PTGES: variants seen among roughly 807,000 people sequenced by gnomAD.
PTGES encodes the protein prostaglandin E synthase, also known as MGST1-like 1.
PTGES carries 3 observed loss-of-function variants against 11.8 expected under a neutral mutation model. That is an observed-to-expected ratio of 0.25 (90% confidence interval 0.12 to 0.66). The LOEUF is 0.66. PTGES is among the 30% of genes least tolerant of loss of function. The pLI, the probability that PTGES is intolerant of heterozygous loss-of-function variation, is 0.82. For missense variants in PTGES, 180 were observed against 213.0 expected, an observed-to-expected ratio of 0.85 and a Z score of 0.96; for synonymous variants, 94 against 90.4, an observed-to-expected ratio of 1.04 and a Z score of -0.22.
intron 2 of PTGES, among the ~76,000 whole-genome samples, chr9:129,744,839 T>C (rs969166138): frequency 5.3e-5 from 8 of 151,630 alleles, no homozygotes; most frequent in African/African-American, 1.9e-4. Flanking sequence ...ACCACGCTAT[T>C]GCACTCCAGC....
rs554489159 is a variant in PTGES at position 129,743,300 on chromosome 9, T to C, written c.210-3440A>G. Among the ~76,000 whole-genome samples the C allele has an allele frequency of 1.7e-4, 26 of 152,168 alleles. 1 individual carries two copies. In the East Asian group the frequency reaches 5.0e-3, roughly 29 times the overall value. On this transcript the variant is annotated intron_variant, in intron 2 of 2. Coordinates refer to ENST00000340607, the MANE Select transcript of PTGES (RefSeq NM_004878.5). ...AGGGAGCAATGGAGACACCAAGGAA[T>C]GATGGAAGAAAGCTCACCTCCCTCC...
At position 129,738,516 on chromosome 9, in the gene PTGES, C is replaced by T. The variant is rs1225424613; in HGVS notation, c.*1095G>A. On this transcript the variant is annotated 3_prime_UTR_variant, in exon 3 of 3. Coordinates refer to ENST00000340607, the MANE Select transcript of PTGES (RefSeq NM_004878.5). This position sits in a 1 kb window ranked among gnomAD's most constrained non-coding sequence, Gnocchi z 4.2. Reference sequence around the variant, plus strand: ...CAAACCTTGAAGATACTGAAGGGACCAGAAAGTTCCTTTGAGTGGCTGGTC... The same window carrying T: ...CAAACCTTGAAGATACTGAAGGGACTAGAAAGTTCCTTTGAGTGGCTGGTC... 5.3e-5 allele frequency: 8 copies of T among 152,096 alleles called. No homozygotes were observed. Among genetic ancestry groups the T allele is most frequent in the African/African-American group, 1.9e-4 (8 of 41,254 alleles). 9.4% of individuals were successfully genotyped at this position (152,096 alleles called of 1,614,324 possible).
In PTGES at chr9:129,750,730, C is replaced by T. The variant is rs532440273; in HGVS notation, c.127-1993G>A. On this transcript the variant is annotated intron_variant, in intron 1 of 2. Coordinates refer to ENST00000340607, the MANE Select transcript of PTGES (RefSeq NM_004878.5). The stretch of plus-strand genomic sequence containing the variant: ...GTCTTAAGGACAAACATTGGTGGGG[C>T]GTTGCATTCTCCTGGCGCTGCTGTC... 1.2e-4 allele frequency among the ~76,000 whole-genome samples: 18 copies of T among 152,292 alleles called. No homozygotes were observed. The South Asian group carries it at 2.7e-3, about 23-fold the overall frequency.
chr9:129,743,993 C>T (rs1329900018), intron 2 of PTGES, among the ~76,000 whole-genome samples: 2 of 152,142 alleles, frequency 1.3e-5, no homozygotes, highest in African/African-American at 4.8e-5. Flanking sequence ...AGACTACAGG[C>T]GAGCCCCACC....
intron 1 of PTGES, among the ~76,000 whole-genome samples, chr9:129,751,423 A>G (rs1488012528): frequency 6.6e-6 from 1 of 151,626 alleles, no homozygotes; most frequent in Non-Finnish European, 1.5e-5. Context: ...TCACGCCTGT[A>G]ATTCCAACAC....
chr9:129,749,890 A>G (rs1833087029), intron 1 of PTGES, among the ~76,000 whole-genome samples: 1 of 152,160 alleles, frequency 6.6e-6, no homozygotes, highest in Admixed American at 6.6e-5. Context: ...GCACCTGAAG[A>G]ATTTGGACTT....
intron 2 of PTGES, among the ~76,000 whole-genome samples, chr9:129,744,808 C>T (rs1036735187): frequency 4.0e-5 from 6 of 150,050 alleles, no homozygotes; most frequent in African/African-American, 1.2e-4. Flanking sequence ...ACCCGGGAGG[C>T]GGAGGTTGCA....
chr9:129,741,008 C>G (rs1420716859), intron 2 of PTGES, among the ~76,000 whole-genome samples: 5 of 152,204 alleles, frequency 3.3e-5, no homozygotes, highest in African/African-American at 9.6e-5. Context: ...CCTCTTCCCT[C>G]TCACTGGCAA....
chr9:129,739,673 C>T lies in PTGES; in HGVS notation c.397G>A (p.Ala133Thr), dbSNP rs202113472. ...APIRSVTYTL[A>T]QLPCASMALQ... ...GCCATGGAGGCGCAGGGGAGCTGGG[C>T]CAGGGTGTAGGTCACGGAGCGGATG... Residue 133 changes from alanine to threonine, a missense_variant, in exon 3 of 3, where the codon GCC (alanine) becomes ACC (threonine). Coordinates refer to ENST00000340607, the MANE Select transcript of PTGES (RefSeq NM_004878.5). This position sits in a 1 kb window ranked among gnomAD's most constrained non-coding sequence, Gnocchi z 5.7. The T allele has an allele frequency of 3.9e-5, 61 of 1,560,032 alleles. No individual in the cohort carries two copies. The highest frequency in any genetic ancestry group is 5.2e-5 in the Non-Finnish European group (60 of 1,151,970).
At position 129,750,293 on chromosome 9, in the gene PTGES, A is replaced by ATTT. The variant is rs1833090354; in HGVS notation, c.127-1557_127-1556insAAA. On this transcript the variant is annotated intron_variant, in intron 1 of 2. Transcript: ENST00000340607. ...TGCTTCTGACTCATGACTGTCCCCC[A>ATTT]AGGGCTGGTTTGTCCTCCCTGGTGG... 3.9e-5 allele frequency among the ~76,000 whole-genome samples: 6 copies of ATTT among 152,116 alleles called. No individual in the cohort carries two copies. The South Asian group carries it at 1.2e-3, about 32-fold the overall frequency.
chr9:129,743,052 A>G (rs1288662350), intron 2 of PTGES, among the ~76,000 whole-genome samples: 3 of 152,238 alleles, frequency 2.0e-5, no homozygotes, highest in Non-Finnish European at 4.4e-5. Context: ...TCTGCCTGGC[A>G]TGTCTGCAGG....
rs552548188 is a variant in PTGES, at chr9:129,745,355, C to G, written c.209+3300G>C. ...TGCTAACCTGCAAGGCAGATTCATG[C>G]TCCAAGAACCAAGACTGAAGTGCTT... On this transcript the variant is annotated intron_variant, in intron 2 of 2. Transcript: ENST00000340607. The surrounding 1 kb of genome is among the most constrained non-coding windows in gnomAD (Gnocchi z 4.2). Among the ~76,000 whole-genome samples, 1 of 152,328 alleles carries G rather than the reference C, an allele frequency of 6.6e-6. No individual in the cohort carries two copies. The highest frequency in any genetic ancestry group is 1.9e-4 in the East Asian group (1 of 5,186).
intron 2 of PTGES, among the ~76,000 whole-genome samples, chr9:129,741,827 C>T (rs1832997661): frequency 1.3e-5 from 2 of 151,630 alleles, no homozygotes; most frequent in Non-Finnish European, 2.9e-5. Context: ...ATCACCTGAA[C>T]CGGGCAGGTG....
At position 129,739,789 on chromosome 9, in the gene PTGES, G is replaced by A. The variant is rs371634987; in HGVS notation, c.281C>T (p.Pro94Leu). ...FLGFVYSFLG[P>L]NPFVAWMHFL... The stretch of plus-strand genomic sequence containing the variant: ...GTGCATCCAGGCGACAAAAGGGTTA[G>A]GACCCAGAAAGGAGTAGACGAAGCC... Residue 94 changes from proline to leucine, a missense_variant, in exon 3 of 3, where the codon CCT becomes CTT. Physicochemically the swap from Pro to Leu is moderately conservative, Grantham distance 98. Coordinates refer to ENST00000340607, the MANE Select transcript of PTGES (RefSeq NM_004878.5). This position sits in a 1 kb window ranked among gnomAD's most constrained non-coding sequence, Gnocchi z 5.7. 4 of 1,576,226 alleles carry A rather than the reference G, an allele frequency of 2.5e-6. No homozygotes were observed. The highest frequency in any genetic ancestry group is 3.7e-5 in the Admixed American group (2 of 54,024).
chr9:129,742,105 G>A (rs1157696740), intron 2 of PTGES, among the ~76,000 whole-genome samples: 2 of 151,396 alleles, frequency 1.3e-5, no homozygotes, highest in African/African-American at 4.9e-5. Context: ...ATCACTTGAG[G>A]ACAGGAGTTT....
chr9:129,740,226 A>G (rs184007234), intron 2 of PTGES, among the ~76,000 whole-genome samples: 22 of 152,106 alleles, frequency 1.4e-4, no homozygotes, highest in Admixed American at 3.3e-4. Flanking sequence ...AGTGGGACTC[A>G]GAGGTGCTGA....
chr9:129,749,490 A>T (rs891150446), intron 1 of PTGES: 1 of 152,394 alleles, frequency 6.6e-6, no homozygotes, highest in African/African-American at 2.4e-5. Flanking sequence ...TATAAAAAAT[A>T]CAAAAATTAG....
intron 1 of PTGES, among the ~76,000 whole-genome samples, chr9:129,749,293 T>C (rs374075095): frequency 1.8e-4 from 27 of 151,638 alleles, no homozygotes; most frequent in African/African-American, 5.8e-4. Context: ...GATAGGAGGA[T>C]TGCTTGAGCT....
intron 2 of PTGES, among the ~76,000 whole-genome samples, chr9:129,744,304 G>A (rs1462651980): frequency 6.6e-6 from 1 of 152,164 alleles, no homozygotes; most frequent in Non-Finnish European, 1.5e-5. Context: ...AGCACGTTAT[G>A]GGGCTGGGTG....
Sources: gnomAD v4.1 joint callset for allele counts (sites outside exome capture counted in the v4.1 genomes callset) on GRCh38, gnomAD v4.1.1 for gene constraint, Gnocchi (gnomAD v3.1) non-coding constraint, MANE v1.5 for transcripts, NCBI Gene and HGNC (gene_info 2026-07-23, HGNC 2026-07-21) for gene names.